The following MTUS1 variants were observed in gnomAD, a reference collection of about 807,000 sequenced individuals.
MTUS1 encodes the protein microtubule associated scaffold protein 1, also known as microtubule-associated tumor suppressor 1.
Under a neutral mutation model 120.8 loss-of-function variants are expected in MTUS1, and 109 were observed. That is an observed-to-expected ratio of 0.90 (90% CI 0.77 to 1.06). MTUS1 has a LOEUF of 1.06. Ranked by LOEUF, MTUS1 falls within the 50% of genes least tolerant of loss-of-function variation. The pLI, the probability that MTUS1 is intolerant of heterozygous loss-of-function variation, is 0.00. For missense variants in MTUS1, 2,210 were observed against 1,486.3 expected (o/e 1.49, Z -8.01); for synonymous variants, 737 against 550.5 (o/e 1.34, Z -4.74).
chr8:17,667,017 G>T (rs902863101), intron 8 of MTUS1, among the ~76,000 whole-genome samples: 2 of 152,154 alleles, frequency 1.3e-5, no homozygotes, highest in Admixed American at 6.5e-5. Flanking sequence ...TACACAATAA[G>T]GTATTAAATT....
chr8:17,726,980 G>A (rs576468343), intron 3 of MTUS1, among the ~76,000 whole-genome samples: 1 of 152,258 alleles, frequency 6.6e-6, no homozygotes, highest in East Asian at 1.9e-4. Context: ...ATTTCTGAGT[G>A]TGCCTGGGAA....
intron 1 of MTUS1, among the ~76,000 whole-genome samples, chr8:17,767,599 G>A (rs375471044): frequency 2.6e-5 from 4 of 151,334 alleles, no homozygotes; most frequent in African/African-American, 9.7e-5. Context: ...TCTGAAGGCT[G>A]AGGGCAGGAG....
intron 1 of MTUS1, among the ~76,000 whole-genome samples, chr8:17,793,846 C>G (rs1179998662): frequency 6.6e-6 from 1 of 152,168 alleles, no homozygotes; most frequent in African/African-American, 2.4e-5. Context: ...TAATGCAAAG[C>G]CCAACGTTAA....
intron 8 of MTUS1, among the ~76,000 whole-genome samples, chr8:17,670,410 GGTAA>G (rs962219848): frequency 6.6e-6 from 1 of 152,138 alleles, no homozygotes; most frequent in Admixed American, 6.5e-5. Flanking sequence ...CTATTTAAGG[GGTAA>G]GTGAACGTAT....
In MTUS1 at chr8:17,754,149, C is replaced by T. The variant is rs1424117894; in HGVS notation, c.1659G>A (p.Leu553=). The change falls in exon 2 of 15, where the codon TTG becomes TTA. Residue 553 remains leucine (L), a synonymous_variant. Transcript: ENST00000693296. ...SSVNSRQQTV[L]SRTPRSDLNA... ...TCAAGTCAGATCTCGGTGTTCTGCT[C>T]AAGACTGTTTGTTGTCTTGAATTCA... 1 of 1,613,542 alleles carries T rather than the reference C, an allele frequency of 6.2e-7. No individual in the cohort carries two copies. Among genetic ancestry groups the T allele is most frequent in the African/African-American group, 1.3e-5 (1 of 74,910 alleles).
intron 1 of MTUS1, among the ~76,000 whole-genome samples, chr8:17,787,994 G>A (rs959239827): frequency 1.3e-5 from 2 of 152,134 alleles, no homozygotes; most frequent in African/African-American, 4.8e-5. Flanking sequence ...GGTGGTGGGT[G>A]CCTGTAATCC....
At chr8:17,713,062 T>A in intron 6 of MTUS1, 152 bp downstream of exon 6, 1 of 681,844 alleles carries the variant, frequency 1.5e-6, no homozygotes, top group Non-Finnish European at 2.6e-6. Flanking sequence ...CGTATTTTAA[T>A]GCTATGCGAC....
At chr8:17,792,812 C>G (rs1368086156) in intron 1 of MTUS1, among the ~76,000 whole-genome samples, 1 of 151,866 alleles carries the variant, frequency 6.6e-6, no homozygotes, top group African/African-American at 2.4e-5. Context: ...TGCAGTGAGC[C>G]GAGATCACAC....
At chr8:17,744,291 T>C (rs1351587101) in intron 2 of MTUS1, among the ~76,000 whole-genome samples, 1 of 152,162 alleles carries the variant, frequency 6.6e-6, no homozygotes, top group Non-Finnish European at 1.5e-5. Context: ...TAGGTAATAT[T>C]TGCCATCTAT....
At chr8:17,773,527 C>G (rs991537080) in intron 1 of MTUS1, among the ~76,000 whole-genome samples, 1 of 152,154 alleles carries the variant, frequency 6.6e-6, no homozygotes, top group Non-Finnish European at 1.5e-5. Flanking sequence ...GCTCAGGGTT[C>G]TGCAGGCTTA....
In MTUS1 at chr8:17,684,529, C is replaced by A; in HGVS notation, c.2637G>T (p.Arg879Ser). ...FTALNAVEKS[R>S]QKNPRSLCIQ... ...TACATAAGCTTCGAGGATTCTTTTG[C>A]CTGCTCTTTTCAACTGCAAAACGAA... The change falls in exon 7 of 15, where the codon AGG (arginine) becomes AGT (serine). Residue 879 changes from arginine to serine, a missense_variant. By Grantham distance (110) the Arg-to-Ser change is moderately radical. Coordinates refer to ENST00000693296, the MANE Select transcript of MTUS1 (RefSeq NM_001363059.2). 1.2e-6 allele frequency: 2 copies of A among 1,613,562 alleles called. No individual in the cohort carries two copies. Among genetic ancestry groups the A allele is most frequent in the Middle Eastern group, 1.6e-4 (1 of 6,062 alleles).
intron 7 of MTUS1, among the ~76,000 whole-genome samples, chr8:17,678,094 T>G (rs565174110): frequency 1.4e-4 from 22 of 152,120 alleles, no homozygotes; most frequent in African/African-American, 5.1e-4. Context: ...ATAGATGAAA[T>G]GCTGACCCCA....
chr8:17,674,685 A>G, intron 8 of MTUS1: 1 of 987,418 alleles, frequency 1.0e-6, no homozygotes. Flanking sequence ...GTGAACCATC[A>G]GCCCCCCTCC....
rs560135727 is a variant in MTUS1, at chr8:17,671,274, TA to T, written c.2905+3911del. ...AAATCTTAATTTTCATACATTGTTC[TA>T]AAAAAAAAAAAAACTTTAAAACTTA... On this transcript the variant is annotated intron_variant, in intron 8 of 14. Coordinates refer to ENST00000693296, the MANE Select transcript of MTUS1 (RefSeq NM_001363059.2). 2.7e-3 allele frequency among the ~76,000 whole-genome samples: 376 copies of T among 139,728 alleles called. 2 individuals are homozygous for T. The highest frequency in any genetic ancestry group is 0.018 in the South Asian group (79 of 4,358). The allele number at this position is 139,728 out of a possible 152,430, so 91.7% of individuals were successfully genotyped here. A position where few individuals can be genotyped will look rare whatever the true frequency, so the allele number is the denominator to read the frequency against.
chr8:17,754,813 T>TC lies in MTUS1; in HGVS notation c.994dup (p.Glu332GlyfsTer16). 1 of 1,614,250 alleles carries TC rather than the reference T, an allele frequency of 6.2e-7. No individual in the cohort carries two copies. The highest frequency in any genetic ancestry group is 1.3e-5 in the African/African-American group (1 of 75,062). ...TGTCTCTCTCAGATTTTGGCCCATT[T>TC]CCTTGTGCCTGTATGAGCTCTGTGA... On this transcript the variant is annotated frameshift_variant, in exon 2 of 15. Transcript: ENST00000693296. LOFTEE classifies it high-confidence loss of function.
intron 6 of MTUS1, among the ~76,000 whole-genome samples, chr8:17,694,804 A>G (rs1817637282): frequency 6.6e-6 from 1 of 152,206 alleles, no homozygotes; most frequent in Non-Finnish European, 1.5e-5. Flanking sequence ...CAAATCATTT[A>G]GATAAGATGA....
rs1007108246 is a variant in MTUS1, at chr8:17,645,101, A to G, written c.*825T>C. The G allele has an allele frequency of 1.3e-5, 2 of 152,540 alleles. No homozygotes were observed. Among genetic ancestry groups the G allele is most frequent in the African/African-American group, 4.8e-5 (2 of 41,420 alleles). The allele number at this position is 152,540 out of a possible 1,614,324, so 9.4% of individuals were successfully genotyped here. A position where few individuals can be genotyped will look rare whatever the true frequency, so the allele number is the denominator to read the frequency against. On this transcript the variant is annotated 3_prime_UTR_variant, in exon 15 of 15. Coordinates refer to ENST00000693296, the MANE Select transcript of MTUS1 (RefSeq NM_001363059.2). ...TTTTTTATAGAAAAATTAGGGTTCT[A>G]CATTTACACATAGCCTGAGAAAATG...
At chr8:17,783,995 C>G (rs1466936030) in intron 1 of MTUS1, among the ~76,000 whole-genome samples, 1 of 152,178 alleles carries the variant, frequency 6.6e-6, no homozygotes, top group Non-Finnish European at 1.5e-5. Flanking sequence ...TCTACCCACA[C>G]TCACCCAATT....
intron 6 of MTUS1, among the ~76,000 whole-genome samples, chr8:17,706,628 T>C (rs2130957538): frequency 6.6e-6 from 1 of 152,330 alleles, no homozygotes; most frequent in Admixed American, 6.5e-5. Context: ...AATTTGGCTA[T>C]TTGAGTGAAG....
Sources: gnomAD v4.1 joint callset for allele counts (sites outside exome capture counted in the v4.1 genomes callset) on GRCh38, gnomAD v4.1.1 for gene constraint, MANE v1.5 for transcripts, NCBI Gene and HGNC (gene_info 2026-07-23, HGNC 2026-07-21) for gene names.